The following ICA1 variants were observed in gnomAD, a reference collection of about 807,000 sequenced individuals.
The protein encoded by ICA1 is islet cell autoantigen 1.
ICA1 carries 40 observed loss-of-function variants against 71.0 expected under a neutral mutation model. The ratio of observed to expected loss-of-function variants is 0.56; its 90% CI spans 0.44 to 0.73. ICA1 has a LOEUF of 0.73. ICA1 is among the 30% of genes least tolerant of loss of function. ICA1 has a pLI of 0.00. For synonymous variants in ICA1, 207 were observed against 209.5 expected (o/e 0.99, Z 0.10); for missense variants, 578 against 576.5 (o/e 1.00, Z -0.03).
At position 8,218,185 on chromosome 7, in the gene ICA1, C is replaced by T. The variant is rs565197846; in HGVS notation, c.579+120G>A. 23 of 792,972 alleles carry T rather than the reference C, an allele frequency of 2.9e-5. 1 individual carries two copies. The highest frequency in any genetic ancestry group is 8.6e-5 in the African/African-American group (5 of 58,312). 49.1% of individuals were successfully genotyped at this position (792,972 alleles called of 1,614,324 possible). ...ATTCTGTCACATAAAAAGACACCAG[C>T]GATGATTAATTGCATCCTTGGTGCT... On this transcript the variant is annotated intron_variant, in intron 6 of 13. Transcript: ENST00000402384.
intron 1 of ICA1, among the ~76,000 whole-genome samples, chr7:8,261,340 G>C (rs1472542362): frequency 6.6e-6 from 1 of 152,172 alleles, no homozygotes; most frequent in Non-Finnish European, 1.5e-5. Flanking sequence ...CGCTTTGGGG[G>C]AAAGGCAGAC....
intron 3 of ICA1, among the ~76,000 whole-genome samples, chr7:8,230,501 T>C (rs945715440): frequency 3.3e-5 from 5 of 152,210 alleles, no homozygotes; most frequent in African/African-American, 1.2e-4. Flanking sequence ...GAAACCTCTA[T>C]CATGTGCTAA....
chr7:8,145,730 T>C (rs1174516628), intron 8 of ICA1, among the ~76,000 whole-genome samples: 1 of 115,100 alleles, frequency 8.7e-6, no homozygotes, highest in East Asian at 2.3e-4. Context: ...ACACTACTTG[T>C]ATGATTGGAA....
chr7:8,161,873 A>C (rs112722719), intron 6 of ICA1, among the ~76,000 whole-genome samples: 1,538 of 152,320 alleles, frequency 0.01, 32 homozygotes, highest in African/African-American at 0.034. Context: ...ATTGAGTGTT[A>C]TGGTTGCTTA....
chr7:8,227,838 G>C (rs773186928), intron 4 of ICA1: 10 of 448,048 alleles, frequency 2.2e-5, no homozygotes, highest in South Asian at 1.6e-4. Flanking sequence ...CTCCTGCCTT[G>C]GCCTCCTAAA....
At chr7:8,142,202 G>A (rs901348260) in intron 9 of ICA1, 10 of 372,598 alleles carry the variant, frequency 2.7e-5, no homozygotes, top group African/African-American at 2.1e-4. Flanking sequence ...GACACCTCCA[G>A]AGGTTAGCTC....
chr7:8,213,383 G>A (rs1794434504), intron 6 of ICA1, among the ~76,000 whole-genome samples: 1 of 152,202 alleles, frequency 6.6e-6, no homozygotes, highest in Non-Finnish European at 1.5e-5. Flanking sequence ...AACTGGAAAT[G>A]TTCCCCATTC....
At chr7:8,262,387 C>G (rs1026517307), upstream of ICA1, 5 of 152,230 alleles carry the variant, frequency 3.3e-5, no homozygotes, top group Admixed American at 2.0e-4. Flanking sequence ...AGACGCCCGC[C>G]GGAGCGACCC....
intron 1 of ICA1, among the ~76,000 whole-genome samples, chr7:8,256,384 C>T (rs971403470): frequency 5.3e-5 from 8 of 152,138 alleles, no homozygotes; most frequent in Non-Finnish European, 8.8e-5. Flanking sequence ...TTACTCTCCT[C>T]CCCACCCTCC....
intron 7 of ICA1, 188 bp downstream of exon 7, chr7:8,158,339 A>T: frequency 1.6e-6 from 1 of 630,424 alleles, no homozygotes; most frequent in Non-Finnish European, 2.7e-6. Context: ...TGGTATATAC[A>T]GGAAATAACT....
chr7:8,241,707 G>A (rs1310161940), intron 1 of ICA1, among the ~76,000 whole-genome samples: 2 of 152,106 alleles, frequency 1.3e-5, no homozygotes, highest in East Asian at 1.9e-4. Flanking sequence ...TCAAAATAAA[G>A]GGATGGAGGA....
At chr7:8,206,067 A>G (rs534105398) in intron 6 of ICA1, among the ~76,000 whole-genome samples, 15 of 152,210 alleles carry the variant, frequency 9.9e-5, no homozygotes, top group Non-Finnish European at 1.8e-4. Flanking sequence ...GATGCTAAAC[A>G]TAGAACATGT....
chr7:8,198,001 G>A (rs1269330522), intron 6 of ICA1, among the ~76,000 whole-genome samples: 2 of 152,192 alleles, frequency 1.3e-5, no homozygotes, highest in Non-Finnish European at 2.9e-5. Flanking sequence ...ATTTTGGAAT[G>A]ATGTATTTCT....
At chr7:8,116,761 A>G (rs149312935) in intron 13 of ICA1, among the ~76,000 whole-genome samples, 1 of 152,342 alleles carries the variant, frequency 6.6e-6, no homozygotes, top group East Asian at 1.9e-4. Context: ...TCGACTTCCA[A>G]TATGATCCAG....
At chr7:8,151,219 C>T (rs140569348) in intron 8 of ICA1, among the ~76,000 whole-genome samples, 5 of 152,316 alleles carry the variant, frequency 3.3e-5, no homozygotes, top group Admixed American at 1.3e-4. Flanking sequence ...TTCCCTTTCC[C>T]CTCAGGGAGG....
intron 6 of ICA1, among the ~76,000 whole-genome samples, chr7:8,192,702 T>A (rs1187558365): frequency 1.1e-3 from 1 of 870 alleles, no homozygotes; most frequent in African/African-American, 0.011. Context: ...TTTTCAACAT[T>A]CTACATTTAT....
chr7:8,124,937 C>T lies in ICA1; in HGVS notation c.1330+2936G>A, dbSNP rs183692718. Among the ~76,000 whole-genome samples, 3 of 152,138 alleles carry T rather than the reference C, an allele frequency of 2.0e-5. 1 individual carries two copies. The highest frequency in any genetic ancestry group is 1.9e-4 in the East Asian group (1 of 5,170). ...CCGAGTAGCTGGACCTACAGGTGCA[C>T]ACCACCACACCCAGCTAATTTTTGT... On this transcript the variant is annotated intron_variant, in intron 13 of 13. Coordinates refer to ENST00000402384, the MANE Select transcript of ICA1 (RefSeq NM_001136020.3).
At chr7:8,156,188 G>A (rs1202633256) in intron 8 of ICA1, among the ~76,000 whole-genome samples, 1 of 152,040 alleles carries the variant, frequency 6.6e-6, no homozygotes, top group Non-Finnish European at 1.5e-5. Context: ...GCATTTTTTG[G>A]TACTTGTATG....
At chr7:8,170,475 C>A (rs929910318) in intron 6 of ICA1, among the ~76,000 whole-genome samples, 4 of 151,938 alleles carry the variant, frequency 2.6e-5, no homozygotes, top group Non-Finnish European at 5.9e-5. Flanking sequence ...CATTCTCTCT[C>A]TCCATTTATT....
Sources: gnomAD v4.1 joint callset for allele counts (sites outside exome capture counted in the v4.1 genomes callset) on GRCh38, gnomAD v4.1.1 for gene constraint, MANE v1.5 for transcripts, NCBI Gene and HGNC (gene_info 2026-07-23, HGNC 2026-07-21) for gene names.